The following TIAM1 variants were observed in gnomAD, a reference collection of about 807,000 sequenced individuals.
TIAM1 encodes the protein TIAM Rac1 associated GEF 1.
In TIAM1, 65 loss-of-function variants were observed where a neutral mutation model predicts 163.5. The observed-to-expected ratio is 0.40, with a 90% CI of 0.33 to 0.49. TIAM1 has a LOEUF of 0.49. Among genes scored for constraint, TIAM1 ranks in the 20% least tolerant of loss-of-function variants. The pLI is 0.77. For missense variants in TIAM1, 1,789 were observed against 2,044.7 expected (o/e 0.87, Z 2.41); for synonymous variants, 833 against 810.1 (o/e 1.03, Z -0.48).
At chr21:31,418,870 T>C (rs560759976) in intron 2 of TIAM1, among the ~76,000 whole-genome samples, 154 of 152,308 alleles carry the variant, frequency 1.0e-3, no homozygotes, top group African/African-American at 3.6e-3. Flanking sequence ...CTACCGTTTC[T>C]TTTACTGCAG....
At position 31,200,404 on chromosome 21, in the gene TIAM1, C is replaced by T. The variant is rs138549685; in HGVS notation, c.2493+2504G>A. ...ACTGAAAATCAGCATTTCCTTTTATCCTAAATGAATGTAGGCAACAAACAT... is the reference window on the plus strand; with the variant it reads ...ACTGAAAATCAGCATTTCCTTTTATTCTAAATGAATGTAGGCAACAAACAT... On this transcript the variant is annotated intron_variant, in intron 12 of 27. Transcript: ENST00000541036. Among the ~76,000 whole-genome samples, 618 of 152,214 alleles carry T rather than the reference C, an allele frequency of 4.1e-3. 3 individuals are homozygous for T. The highest frequency in any genetic ancestry group is 6.3e-3 in the Admixed American group (96 of 15,290).
intron 1 of TIAM1, among the ~76,000 whole-genome samples, chr21:31,542,795 C>A (rs1008275904): frequency 6.6e-6 from 1 of 151,900 alleles, no homozygotes; most frequent in East Asian, 1.9e-4. Flanking sequence ...ATGGCAAAAC[C>A]CTGTCTCTAC....
At position 31,299,709 on chromosome 21, in the gene TIAM1, A is replaced by T. The variant is rs1601877483; in HGVS notation, c.-188-22801T>A. On this transcript the variant is annotated intron_variant, in intron 2 of 27. Coordinates refer to ENST00000541036, the MANE Select transcript of TIAM1 (RefSeq NM_001353694.2). ...GATTCATGCTTGGGGAATGGGCTTC[A>T]GAGCCAGACAGAATCGGCGGGGATT... 2.6e-5 allele frequency among the ~76,000 whole-genome samples: 4 copies of T among 152,312 alleles called. No individual in the cohort carries two copies. The South Asian group carries it at 8.3e-4, about 32-fold the overall frequency.
chr21:31,366,085 C>CA (rs869163144), intron 2 of TIAM1, among the ~76,000 whole-genome samples: 16,836 of 69,200 alleles, frequency 0.24, 2,317 homozygotes, highest in Non-Finnish European at 0.29. Flanking sequence ...GACTCTGTCT[C>CA]AAAAAAAAAA....
rs144300474 is a variant in TIAM1, at chr21:31,266,865, C to T, written c.108G>A (p.Thr36=). 1.3e-5 allele frequency: 21 copies of T among 1,614,016 alleles called. No homozygotes were observed. Among genetic ancestry groups the T allele is most frequent in the South Asian group, 6.6e-5 (6 of 91,090 alleles). Residue 36 remains threonine (T), a synonymous_variant, in exon 4 of 28, where the codon ACG becomes ACA. Transcript: ENST00000541036. The stretch of plus-strand genomic sequence containing the variant: ...CCGAGGAAGCGTGCCTGGTCCTCCG[C>T]GTCTTGTGCGAGAGGCGCAGGGAGC... The part of the protein sequence containing the change: ...TSRSLRLSHK[T]RRTRHASSGK...
chr21:31,195,465 A>G (rs2085800587), intron 12 of TIAM1, among the ~76,000 whole-genome samples, 160 bp from the exon 13 acceptor site: 1 of 152,234 alleles, frequency 6.6e-6, no homozygotes, highest in Non-Finnish European at 1.5e-5. Flanking sequence ...AAAAAGTAAA[A>G]GTAAAAACTT....
At chr21:31,306,945 T>G (rs2074736397) in intron 2 of TIAM1, among the ~76,000 whole-genome samples, 2 of 152,278 alleles carry the variant, frequency 1.3e-5, no homozygotes, top group African/African-American at 4.8e-5. Flanking sequence ...CTAATGTCTT[T>G]GGTAAGAGCC....
chr21:31,428,042 A>C (rs768928587), intron 2 of TIAM1, among the ~76,000 whole-genome samples: 3 of 151,840 alleles, frequency 2.0e-5, no homozygotes, highest in Non-Finnish European at 4.4e-5. Context: ...CGGGTGGATC[A>C]CCTGAGGTAA....
chr21:31,452,532 TG>T, intron 2 of TIAM1: 1 of 599,558 alleles, frequency 1.7e-6, no homozygotes, highest in Non-Finnish European at 3.1e-6. Context: ...GATTGGACTC[TG>T]GGGTGTTCTC....
chr21:31,416,346 T>G (rs2043371308), intron 2 of TIAM1, among the ~76,000 whole-genome samples: 1 of 152,218 alleles, frequency 6.6e-6, no homozygotes, highest in Non-Finnish European at 1.5e-5. Context: ...TTAATAGTTT[T>G]GGGAGTACAG....
intron 3 of TIAM1, among the ~76,000 whole-genome samples, chr21:31,271,031 C>T (rs966533551): frequency 2.0e-5 from 3 of 152,130 alleles, no homozygotes; most frequent in African/African-American, 7.2e-5. Flanking sequence ...CATTTCTTAC[C>T]CCTCTTCTTT....
rs1421834983 is a variant in TIAM1 at position 31,131,100 on chromosome 21, C to T, written c.3884-152G>A. On this transcript the variant is annotated intron_variant, in intron 23 of 27. Coordinates refer to ENST00000541036, the MANE Select transcript of TIAM1 (RefSeq NM_001353694.2). ...CCACCCACCTTCCATTCATTCATCA[C>T]ATCTGTGAAAATCAAAAGCCTATTG... 5.0e-6 allele frequency: 3 copies of T among 606,036 alleles called. No individual in the cohort carries two copies. The East Asian group carries it at 8.2e-5, about 17-fold the overall frequency. The allele number at this position is 606,036 out of a possible 1,614,324, so 37.5% of individuals were successfully genotyped here.
intron 6 of TIAM1, among the ~76,000 whole-genome samples, chr21:31,236,447 A>G (rs990895592): frequency 6.6e-6 from 1 of 152,172 alleles, no homozygotes; most frequent in East Asian, 1.9e-4. Context: ...GGAAACCAAC[A>G]AAGAGAATGA....
chr21:31,322,046 CAAACAAAA>C (rs1398386263), intron 2 of TIAM1, among the ~76,000 whole-genome samples: 5 of 151,860 alleles, frequency 3.3e-5, no homozygotes, highest in East Asian at 3.9e-4. Context: ...AACAAACAAA[CAAACAAAA>C]AAACAAAAAA....
chr21:31,206,936 T>TACACACAC (rs142792769), intron 11 of TIAM1, among the ~76,000 whole-genome samples: 15 of 151,250 alleles, frequency 9.9e-5, no homozygotes, highest in African/African-American at 3.6e-4. Flanking sequence ...GAAATATGTA[T>TACACACAC]ACACACACAC....
chr21:31,183,926 T>C (rs1483207073), intron 14 of TIAM1, among the ~76,000 whole-genome samples: 1 of 150,222 alleles, frequency 6.7e-6, no homozygotes, highest in Non-Finnish European at 1.5e-5. Flanking sequence ...TGACCTCAGG[T>C]GATCCAAATT....
At chr21:31,192,429 C>T (rs1037524243) in intron 13 of TIAM1, among the ~76,000 whole-genome samples, 1 of 151,934 alleles carries the variant, frequency 6.6e-6, no homozygotes, top group Non-Finnish European at 1.5e-5. Context: ...ACCACCCTGG[C>T]CAACACGGTG....
At chr21:31,456,011 ATC>A (rs1284685294) in intron 2 of TIAM1, among the ~76,000 whole-genome samples, 2 of 152,196 alleles carry the variant, frequency 1.3e-5, no homozygotes, top group African/African-American at 4.8e-5. Flanking sequence ...ATTTCCGGAT[ATC>A]AACGGCTATC....
chr21:31,478,479 A>G (rs1207501324), intron 1 of TIAM1, among the ~76,000 whole-genome samples: 1 of 152,256 alleles, frequency 6.6e-6, no homozygotes, highest in East Asian at 1.9e-4. Flanking sequence ...CAAAAGTCAC[A>G]TCGTAATACA....
Sources: allele counts gnomAD v4.1 joint callset (sites outside exome capture counted in the v4.1 genomes callset), GRCh38; gene constraint gnomAD v4.1.1; transcripts MANE v1.5; gene names NCBI Gene and HGNC (gene_info 2026-07-23, HGNC 2026-07-21).